ZSCAN32: variants seen among roughly 807,000 people sequenced by gnomAD.
ZSCAN32 encodes zinc finger and SCAN domain-containing protein 32.
Under a neutral mutation model 47.4 loss-of-function variants are expected in ZSCAN32, and 52 were observed. That is an observed-to-expected ratio of 1.10 (90% CI 0.88 to 1.38). The LOEUF is 1.38. Ranked by LOEUF, ZSCAN32 falls within the 40% of genes most tolerant of loss-of-function variation. ZSCAN32 has a pLI of 0.00. For synonymous variants in ZSCAN32, 346 were observed against 305.7 expected, an observed-to-expected ratio of 1.13 and a Z score of -1.38; for missense variants, 959 against 846.0, an observed-to-expected ratio of 1.13 and a Z score of -1.66.
chr16:3,385,816 C>T lies in ZSCAN32; in HGVS notation c.752-875G>A, dbSNP rs374096947. 1.4e-4 allele frequency among the ~76,000 whole-genome samples: 21 copies of T among 152,286 alleles called. 1 individual carries two copies. In the East Asian group the frequency reaches 2.3e-3, roughly 17 times the overall value. ...ATTCAAGAAGGATTAAAGACTTAAA[C>T]GTTAGACCTAAAACCATAAAAACCC... On this transcript the variant is annotated intron_variant, in intron 5 of 6. Transcript: ENST00000396852.
Position 3,383,015 on chromosome 16 carries a change from T to C in ZSCAN32, c.1931A>G (p.Asn644Ser), listed in dbSNP as rs1357608524. ...KCAVCGKIFN[N>S]SSHFSAHRKT... ...TCGGTGGGCACTGAAGTGGGAGCTA[T>C]TGTTGAAGATTTTCCCACACACTGC... The change falls in exon 7 of 7, where the codon AAT becomes AGT. Residue 644 changes from asparagine to serine, a missense_variant. Asn to Ser is a conservative substitution (Grantham distance 46). Transcript: ENST00000396852. 1 of 1,614,052 alleles carries C rather than the reference T, an allele frequency of 6.2e-7. No individual in the cohort carries two copies. The highest frequency in any genetic ancestry group is 8.5e-7 in the Non-Finnish European group (1 of 1,179,962).
At position 3,397,705 on chromosome 16, in the gene ZSCAN32, GACTC is replaced by G; in HGVS notation, c.-152_-149del. 4.7e-6 allele frequency: 5 copies of G among 1,071,560 alleles called. No individual in the cohort carries two copies. Among genetic ancestry groups the G allele is most frequent in the Non-Finnish European group, 6.4e-6 (5 of 775,604 alleles). 66.4% of individuals were successfully genotyped at this position (1,071,560 alleles called of 1,614,324 possible). Reference sequence around the variant, plus strand: ...CATGAGAGTGTCAGACATGTGTAGAGACTCACAGCGGAAAAAAAGGGCTCAACTT... The same window carrying G: ...CATGAGAGTGTCAGACATGTGTAGAGACAGCGGAAAAAAAGGGCTCAACTT... On this transcript the variant is annotated 5_prime_UTR_variant, in exon 2 of 7. Coordinates refer to ENST00000396852, the MANE Select transcript of ZSCAN32 (RefSeq NM_001284527.2).
intron 1 of ZSCAN32, 96 bp downstream of exon 1, chr16:3,400,849 A>G (rs1046562074): frequency 2.0e-5 from 3 of 152,244 alleles, no homozygotes; most frequent in African/African-American, 7.2e-5. Context: ...GCCGGACCCG[A>G]ACGCCTCGGA....
At chr16:3,394,758 C>G (rs2033206144) in intron 2 of ZSCAN32, among the ~76,000 whole-genome samples, 1 of 152,222 alleles carries the variant, frequency 6.6e-6, no homozygotes, top group African/African-American at 2.4e-5. Flanking sequence ...CTTCCCCAGT[C>G]TCTGAGCTCC....
At chr16:3,385,480 T>C (rs1217153795) in intron 5 of ZSCAN32, among the ~76,000 whole-genome samples, 2 of 152,142 alleles carry the variant, frequency 1.3e-5, no homozygotes, top group African/African-American at 2.4e-5. Flanking sequence ...GAGCCCGCAT[T>C]GCCAAGTCAA....
chr16:3,395,194 A>C (rs966603122), intron 2 of ZSCAN32, among the ~76,000 whole-genome samples: 4 of 152,162 alleles, frequency 2.6e-5, no homozygotes, highest in African/African-American at 9.7e-5. Flanking sequence ...CCTTAAAGGG[A>C]ATGAAGAGAG....
At chr16:3,397,799 T>C (rs755553418) in intron 1 of ZSCAN32, 55 bp from the exon 2 acceptor site, 2 of 428,676 alleles carry the variant, frequency 4.7e-6, no homozygotes, top group South Asian at 3.7e-5. Flanking sequence ...TTCACTCTGG[T>C]TCTTGTGATT....
At position 3,386,381 on chromosome 16, in the gene ZSCAN32, C is replaced by G. The variant is rs531001840; in HGVS notation, c.752-1440G>C. Among the ~76,000 whole-genome samples, 902 of 151,804 alleles carry G rather than the reference C, an allele frequency of 5.9e-3. 11 individuals carry two copies. Among genetic ancestry groups the G allele is most frequent in the African/African-American group, 0.019 (805 of 41,298 alleles). ...GTTCAACCATTGTGGAAGTCAGTGT[C>G]GCGATTCCTCAGGGATCTAGAACCA... On this transcript the variant is annotated intron_variant, in intron 5 of 6. Transcript: ENST00000396852.
chr16:3,399,189 C>T (rs970075378), intron 1 of ZSCAN32, among the ~76,000 whole-genome samples: 1 of 152,176 alleles, frequency 6.6e-6, no homozygotes, highest in Non-Finnish European at 1.5e-5. Context: ...CGCCATTGCA[C>T]TCCAGCCTGG....
At position 3,393,659 on chromosome 16, in the gene ZSCAN32, T is replaced by A. The variant is rs1350584153; in HGVS notation, c.522A>T (p.Glu174Asp). 6.5e-7 allele frequency: 1 copy of A among 1,547,064 alleles called. No homozygotes were observed. Among genetic ancestry groups the A allele is most frequent in the Non-Finnish European group, 8.7e-7 (1 of 1,145,314 alleles). Residue 174 changes from glutamate to aspartate, a missense_variant, in exon 3 of 7, where the codon GAA becomes GAT. Coordinates refer to ENST00000396852, the MANE Select transcript of ZSCAN32 (RefSeq NM_001284527.2). ...GAGGCTTCTGCTTACCTTCTGACTGTTCCCCTGGTCTTTGGTGTGAGCTCT... is the reference window on the plus strand; with the variant it reads ...GAGGCTTCTGCTTACCTTCTGACTGATCCCCTGGTCTTTGGTGTGAGCTCT... ...GSQSSHQRPG[E>D]QSEAWLAPQA... is the part of the protein sequence containing the mutation.
At chr16:3,398,391 C>T (rs1384241885) in intron 1 of ZSCAN32, among the ~76,000 whole-genome samples, 1 of 152,164 alleles carries the variant, frequency 6.6e-6, no homozygotes, top group Non-Finnish European at 1.5e-5. Flanking sequence ...GTCAGCATTC[C>T]CTGTTCCCTA....
In ZSCAN32 at chr16:3,383,608, A is replaced by G. The variant is rs374398629; in HGVS notation, c.1338T>C (p.Tyr446=). The G allele has an allele frequency of 2.5e-5, 40 of 1,613,742 alleles. No individual in the cohort carries two copies. The African/African-American group carries it at 5.2e-4, about 21-fold the overall frequency. Residue 446 remains tyrosine (Y), a synonymous_variant, in exon 7 of 7, where the codon TAT becomes TAC. Transcript: ENST00000396852. The part of the protein sequence containing the change: ...KALQRKSRGV[Y]WHSELQKGLE... ...AGCCTTTTTGTAGCTCAGAGTGCCAATAAACTCCTCTGGACTTTCTCTGTA... is the reference window on the plus strand; with the variant it reads ...AGCCTTTTTGTAGCTCAGAGTGCCAGTAAACTCCTCTGGACTTTCTCTGTA...
At chr16:3,398,786 T>C (rs917209806) in intron 1 of ZSCAN32, among the ~76,000 whole-genome samples, 2 of 152,190 alleles carry the variant, frequency 1.3e-5, no homozygotes, top group Non-Finnish European at 2.9e-5. Context: ...AACTGGTGTG[T>C]GTGTGCTTCT....
intron 3 of ZSCAN32, among the ~76,000 whole-genome samples, chr16:3,390,988 A>G (rs2032624928): frequency 6.6e-6 from 1 of 152,224 alleles, no homozygotes; most frequent in African/African-American, 2.4e-5. Flanking sequence ...TTTCACACCA[A>G]GATAATACAT....
In ZSCAN32 at chr16:3,383,352, G is replaced by T. The variant is rs1431787540; in HGVS notation, c.1594C>A (p.Arg532=). ...TGATGCCGAACAAGATAAGAACTTC[G>T]GCTAAAGGTTTTCCCACATTCAGGA... ...QCPECGKTFS[R]SSYLVRHQRI... Residue 532 remains arginine (R), a synonymous_variant, in exon 7 of 7, where the codon CGA becomes AGA. Coordinates refer to ENST00000396852, the MANE Select transcript of ZSCAN32 (RefSeq NM_001284527.2). 1.9e-6 allele frequency: 3 copies of T among 1,614,050 alleles called. No homozygotes were observed. Among genetic ancestry groups the T allele is most frequent in the Non-Finnish European group, 2.5e-6 (3 of 1,180,046 alleles).
intron 6 of ZSCAN32, 108 bp downstream of exon 6, chr16:3,384,351 G>A (rs1173460678): frequency 7.6e-6 from 11 of 1,445,682 alleles, no homozygotes; most frequent in Non-Finnish European, 9.5e-6. Flanking sequence ...CACACATCAA[G>A]ATGATGATGA....
intron 5 of ZSCAN32, 138 bp from the exon 6 acceptor site, chr16:3,385,079 C>A (rs2031792764): frequency 9.9e-7 from 1 of 1,005,964 alleles, no homozygotes; most frequent in Non-Finnish European, 1.4e-6. Flanking sequence ...AATCCCAGCA[C>A]TTTGGGAGGC....
intron 6 of ZSCAN32, chr16:3,384,144 C>A (rs1020155034): frequency 1.9e-6 from 1 of 537,990 alleles, no homozygotes; most frequent in Non-Finnish European, 3.2e-6. Flanking sequence ...CTGTGAAAGG[C>A]AAGGCCATGC....
intron 2 of ZSCAN32, among the ~76,000 whole-genome samples, chr16:3,394,671 A>G (rs1444978673): frequency 6.6e-6 from 1 of 152,142 alleles, no homozygotes; most frequent in Non-Finnish European, 1.5e-5. Context: ...CACACAGAAT[A>G]AAATCCAGAC....
Sources: allele counts gnomAD v4.1 joint callset (sites outside exome capture counted in the v4.1 genomes callset), GRCh38; gene constraint gnomAD v4.1.1; transcripts MANE v1.5; gene names NCBI Gene and HGNC (gene_info 2026-07-23, HGNC 2026-07-21).